Variants in ANTXRL observed in about 807,000 individuals in gnomAD.
ANTXRL encodes the protein ANTXR like, also known as anthrax toxin receptor-like.
ANTXRL carries 63 observed loss-of-function variants against 75.4 expected under a neutral mutation model. The ratio of observed to expected loss-of-function variants is 0.84; its 90% CI spans 0.68 to 1.03. The LOEUF is 1.03. ANTXRL is among the 50% of genes least tolerant of loss of function. ANTXRL has a pLI of 0.00. For missense variants in ANTXRL, 797 were observed against 789.4 expected (o/e 1.01, Z -0.12); for synonymous variants, 335 against 291.3 (o/e 1.15, Z -1.53).
Position 46,329,988 on chromosome 10 carries a change from G to A in ANTXRL, c.1800G>A (p.Leu600=). The change falls in exon 17 of 17, where the codon TTG becomes TTA. Residue 600 remains leucine, a synonymous_variant. Transcript: ENST00000620264. ...SRCRLPPARC[L]RPPSRMLPLL... is the part of the protein sequence containing the mutation. The stretch of plus-strand genomic sequence containing the variant: ...GCCGCCTCCCCCCAGCTAGGTGCTT[G>A]AGGCCTCCCTCCAGGATGCTGCCGC... The A allele has an allele frequency of 6.5e-7, 1 of 1,534,662 alleles. No homozygotes were observed. Among genetic ancestry groups the A allele is most frequent in the South Asian group, 1.2e-5 (1 of 83,980 alleles).
rs577881187 is a variant in ANTXRL, at chr10:46,328,635, T to A, written c.1411-964T>A. Among the ~76,000 whole-genome samples, 110 of 152,172 alleles carry A rather than the reference T, an allele frequency of 7.2e-4. No individual in the cohort carries two copies. The South Asian group carries it at 7.5e-3, about 10-fold the overall frequency. On this transcript the variant is annotated intron_variant, in intron 16 of 16. Transcript: ENST00000620264. ...CACATTGCCTCTCTCTTTTTTTTTT[T>A]AATTTTAAGTTCCGGGATACATGTG... is the stretch of plus-strand genomic sequence containing the variant.
chr10:46,290,111 G>A (rs570469049), intron 1 of ANTXRL, among the ~76,000 whole-genome samples: 3 of 136,364 alleles, frequency 2.2e-5, no homozygotes, highest in South Asian at 2.3e-4. Context: ...GCGCGATCTC[G>A]GCTCATTGCA....
In ANTXRL at chr10:46,311,582, C is replaced by T. The variant is rs545720431; in HGVS notation, c.1246C>T (p.Pro416Ser). The T allele has an allele frequency of 1.3e-6, 2 of 1,494,560 alleles. No homozygotes were observed. The highest frequency in any genetic ancestry group is 2.8e-5 in the African/African-American group (2 of 72,146). The allele number at this position is 1,494,560 out of a possible 1,614,324, so 92.6% of individuals were successfully genotyped here. ...PPPPPPLPPP[P>S]PAPVNTCPTV... ...TCCACCACCTCCACTCCCGCCTCCG[C>T]CCCCAGCTCCTGTAAACACCTGCCC... The change falls in exon 15 of 17, where the codon CCC becomes TCC. Residue 416 changes from proline (P) to serine (S), a missense_variant. Pro to Ser is a moderately conservative substitution (Grantham distance 74). Coordinates refer to ENST00000620264, the MANE Select transcript of ANTXRL (RefSeq NM_001278688.3).
At chr10:46,298,501 C>T (rs1286578163) in intron 9 of ANTXRL, among the ~76,000 whole-genome samples, 9 of 149,704 alleles carry the variant, frequency 6.0e-5, no homozygotes, top group Admixed American at 4.0e-4. Context: ...TGTGAGTGTA[C>T]GTAGGGAGCA....
chr10:46,287,161 C>T lies in ANTXRL; in HGVS notation c.-102C>T, dbSNP rs1453730801. On this transcript the variant is annotated 5_prime_UTR_variant, in exon 1 of 17. Transcript: ENST00000620264. ...AAGGGCAGGAGGAGGGGTGTGGCCC[C>T]GGGCATAAGGGGAGGCGGCAAAGAA... The T allele has an allele frequency of 2.9e-5, 42 of 1,428,992 alleles. No homozygotes were observed. Among genetic ancestry groups the T allele is most frequent in the African/African-American group, 4.3e-5 (3 of 69,608 alleles). 88.5% of individuals were successfully genotyped at this position (1,428,992 alleles called of 1,614,324 possible).
Position 46,287,167 on chromosome 10 carries a change from T to TA in ANTXRL, c.-94dup. Reference sequence around the variant, plus strand: ...AGGAGGAGGGGTGTGGCCCCGGGCATAAGGGGAGGCGGCAAAGAAGGGGCC... The same window carrying TA: ...AGGAGGAGGGGTGTGGCCCCGGGCATAAAGGGGAGGCGGCAAAGAAGGGGCC... On this transcript the variant is annotated 5_prime_UTR_variant, in exon 1 of 17. Coordinates refer to ENST00000620264, the MANE Select transcript of ANTXRL (RefSeq NM_001278688.3). 1 of 1,450,172 alleles carries TA rather than the reference T, an allele frequency of 6.9e-7. No individual in the cohort carries two copies. Among genetic ancestry groups the TA allele is most frequent in the Non-Finnish European group, 9.1e-7 (1 of 1,100,214 alleles). The allele number at this position is 1,450,172 out of a possible 1,614,324, so 89.8% of individuals were successfully genotyped here.
chr10:46,314,384 T>G (rs1452795927), intron 16 of ANTXRL, among the ~76,000 whole-genome samples: 8 of 152,058 alleles, frequency 5.3e-5, no homozygotes, highest in Non-Finnish European at 1.5e-5. Flanking sequence ...TCCACGTTGC[T>G]ACAGCCCAGT....
chr10:46,293,960 G>C (rs1554957742), intron 3 of ANTXRL, 60 bp downstream of exon 3: 1 of 1,459,592 alleles, frequency 6.9e-7, no homozygotes, highest in African/African-American at 1.4e-5. Flanking sequence ...GGGAGCTCCA[G>C]GGAGCTGAAG....
At position 46,287,032 on chromosome 10, in the gene ANTXRL, G is replaced by T; in HGVS notation, c.-231G>T. The T allele has an allele frequency of 1.7e-6, 1 of 589,526 alleles. No homozygotes were observed. Among genetic ancestry groups the T allele is most frequent in the Non-Finnish European group, 3.0e-6 (1 of 337,170 alleles). The allele number at this position is 589,526 out of a possible 1,614,324, so 36.5% of individuals were successfully genotyped here. On this transcript the variant is annotated 5_prime_UTR_variant, in exon 1 of 17. Transcript: ENST00000620264. ...AATTCTGTCCCCAGGGTGGGGGAAG[G>T]GCCAGGCAGGTAGCTGGAAGCAAGT...
chr10:46,315,934 C>T (rs1838701663), intron 16 of ANTXRL, among the ~76,000 whole-genome samples: 1 of 152,056 alleles, frequency 6.6e-6, no homozygotes. Flanking sequence ...CTTCAGTTCC[C>T]TGAATAAATT....
At chr10:46,312,506 T>A (rs1838488200) in intron 15 of ANTXRL, among the ~76,000 whole-genome samples, 1 of 147,276 alleles carries the variant, frequency 6.8e-6, no homozygotes, top group African/African-American at 2.5e-5. Context: ...TGGTCCTGGC[T>A]CTGTCTGTGG....
intron 10 of ANTXRL, among the ~76,000 whole-genome samples, chr10:46,306,434 TC>T (rs1364007088): frequency 6.6e-6 from 1 of 152,156 alleles, no homozygotes; most frequent in Non-Finnish European, 1.5e-5. Flanking sequence ...ATAGGAGAAG[TC>T]ATGCATAATG....
At position 46,328,454 on chromosome 10, in the gene ANTXRL, A is replaced by T. The variant is rs115203278; in HGVS notation, c.1411-1145A>T. Reference sequence around the variant, plus strand: ...TGGCTTCTGGAGCTCCAGCCATCACACTCATATTACAGGCAGGAAGAAGAA... The same window carrying T: ...TGGCTTCTGGAGCTCCAGCCATCACTCTCATATTACAGGCAGGAAGAAGAA... On this transcript the variant is annotated intron_variant, in intron 16 of 16. Transcript: ENST00000620264. Among the ~76,000 whole-genome samples the T allele has an allele frequency of 9.8e-3, 1,493 of 152,150 alleles. 32 individuals are homozygous for T. The highest frequency in any genetic ancestry group is 0.032 in the African/African-American group (1,336 of 41,486).
In ANTXRL at chr10:46,296,272, C is replaced by G. The variant is rs34058224; in HGVS notation, c.508+20C>G. On this transcript the variant is annotated intron_variant, in intron 5 of 16. Transcript: ENST00000620264. Reference sequence around the variant, plus strand: ...CCGGAAGTAAGCACCTGCCGTCCCCCTGGTGGTCCTGTAGGGGGAACAGAG... The same window carrying G: ...CCGGAAGTAAGCACCTGCCGTCCCCGTGGTGGTCCTGTAGGGGGAACAGAG... 5 of 1,535,148 alleles carry G rather than the reference C, an allele frequency of 3.3e-6. No individual in the cohort carries two copies. The highest frequency in any genetic ancestry group is 1.2e-5 in the South Asian group (1 of 84,048).
chr10:46,298,799 T>C (rs1837542863), intron 9 of ANTXRL, among the ~76,000 whole-genome samples: 1 of 151,498 alleles, frequency 6.6e-6, no homozygotes, highest in Non-Finnish European at 1.5e-5. Flanking sequence ...TGGGTGTGTG[T>C]ACTTCGGGTG....
At chr10:46,304,959 C>T (rs1837983740) in intron 10 of ANTXRL, among the ~76,000 whole-genome samples, 2 of 152,202 alleles carry the variant, frequency 1.3e-5, no homozygotes, top group South Asian at 4.1e-4. Context: ...CGACGTCTCA[C>T]AGTGGGGAGC....
At chr10:46,321,162 GT>G (rs1279569355) in intron 16 of ANTXRL, among the ~76,000 whole-genome samples, 3 of 152,022 alleles carry the variant, frequency 2.0e-5, no homozygotes, top group Non-Finnish European at 4.4e-5. Context: ...CATTTTTTTG[GT>G]TTTAGCCCAC....
rs1222510644 is a variant in ANTXRL at position 46,311,540 on chromosome 10, C to A, written c.1204C>A (p.Pro402Thr). 1 of 1,534,654 alleles carries A rather than the reference C, an allele frequency of 6.5e-7. No homozygotes were observed. The highest frequency in any genetic ancestry group is 1.4e-5 in the African/African-American group (1 of 73,034). ...AGAGCAGGAAAAACCACCATCACCACCACCACCGCCTCCGCCTCCACCACC... is the reference window on the plus strand; with the variant it reads ...AGAGCAGGAAAAACCACCATCACCAACACCACCGCCTCCGCCTCCACCACC... ...EPEQEKPPSP[P>T]PPPPPPPPPL... Residue 402 changes from proline (P) to threonine (T), a missense_variant, in exon 15 of 17, where the codon CCA becomes ACA. Pro to Thr is a conservative substitution (Grantham distance 38, BLOSUM62 -1). Around this residue, in one of 3 missense-constraint regions of ANTXRL, gnomAD observed 479 missense variants for 422.0 expected, o/e 1.14. Transcript: ENST00000620264.
At chr10:46,291,581 C>G (rs1186845108) in intron 1 of ANTXRL, among the ~76,000 whole-genome samples, 2 of 152,068 alleles carry the variant, frequency 1.3e-5, no homozygotes, top group Non-Finnish European at 2.9e-5. Context: ...TCTTTAAATT[C>G]TTTCAGCAAT....
Sources: allele counts gnomAD v4.1 joint callset (sites outside exome capture counted in the v4.1 genomes callset), GRCh38; gene constraint gnomAD v4.1.1; regional missense constraint gnomAD v4.1.1; transcripts MANE v1.5; gene names NCBI Gene and HGNC (gene_info 2026-07-23, HGNC 2026-07-21).